Variants in NECAB1 observed in about 807,000 individuals in gnomAD.
NECAB1 encodes N-terminal EF-hand calcium binding protein 1.
In NECAB1, 29 loss-of-function variants were observed where a neutral mutation model predicts 57.5. That is an observed-to-expected ratio of 0.50 (90% CI 0.38 to 0.69). NECAB1 has a LOEUF of 0.69. Among genes scored for constraint, NECAB1 ranks in the 30% least tolerant of loss-of-function variants. The probability of loss-of-function intolerance (pLI) is 0.00; values close to 1 mark genes in which losing one functional copy is unlikely to be tolerated. For synonymous variants in NECAB1, 142 were observed against 147.7 expected, an observed-to-expected ratio of 0.96 and a Z score of 0.28; for missense variants, 372 against 413.8, an observed-to-expected ratio of 0.90 and a Z score of 0.88.
intron 3 of NECAB1, among the ~76,000 whole-genome samples, chr8:90,857,896 A>G (rs1812822526): frequency 6.6e-6 from 1 of 152,188 alleles, no homozygotes; most frequent in African/African-American, 2.4e-5. Context: ...ATATAGGTTT[A>G]TGAAAATATT....
chr8:90,906,861 T>C (rs1809663175), intron 5 of NECAB1, among the ~76,000 whole-genome samples: 1 of 64,528 alleles, frequency 1.5e-5, no homozygotes, highest in African/African-American at 1.6e-4. Context: ...ACCTTTTCCT[T>C]ACATATGATA....
chr8:90,860,197 G>A (rs1166675339), intron 3 of NECAB1, among the ~76,000 whole-genome samples: 4 of 151,108 alleles, frequency 2.6e-5, no homozygotes, highest in Non-Finnish European at 5.9e-5. Flanking sequence ...TCTCAGGAGG[G>A]TCATGGCCCT....
chr8:90,931,906 A>T (rs941212141), intron 8 of NECAB1, among the ~76,000 whole-genome samples: 60 of 151,534 alleles, frequency 4.0e-4, no homozygotes, highest in African/African-American at 1.2e-3. Flanking sequence ...TCCATCTCAA[A>T]AAAATAAAAT....
intron 4 of NECAB1, among the ~76,000 whole-genome samples, chr8:90,876,263 T>C (rs1194581122): frequency 6.6e-6 from 1 of 152,076 alleles, no homozygotes; most frequent in Non-Finnish European, 1.5e-5. Flanking sequence ...CACATGTCAC[T>C]GATGATTGAG....
intron 1 of NECAB1, among the ~76,000 whole-genome samples, chr8:90,796,264 G>A (rs1473718580): frequency 6.6e-6 from 1 of 152,088 alleles, no homozygotes; most frequent in Non-Finnish European, 1.5e-5. Context: ...TAATGATTGC[G>A]ACACCTGGGC....
intron 5 of NECAB1, among the ~76,000 whole-genome samples, chr8:90,912,659 C>A (rs1469814313): frequency 6.6e-6 from 1 of 151,472 alleles, no homozygotes; most frequent in Non-Finnish European, 1.5e-5. Flanking sequence ...ATTATTAGGA[C>A]AAGTAAGAGC....
At chr8:90,795,397 A>G (rs1331770321) in intron 1 of NECAB1, among the ~76,000 whole-genome samples, 2 of 152,156 alleles carry the variant, frequency 1.3e-5, no homozygotes, top group African/African-American at 4.8e-5. Flanking sequence ...CTAAAGAGGG[A>G]AAGAGGCTGG....
In NECAB1 at chr8:90,940,805, G is replaced by A. The variant is rs889786085; in HGVS notation, c.767G>A (p.Arg256Gln). 1.6e-5 allele frequency: 25 copies of A among 1,561,606 alleles called. No homozygotes were observed. The highest frequency in any genetic ancestry group is 3.5e-5 in the South Asian group (3 of 84,566). ...TGGCAGCACATCATGCTTGTGCAGC[G>A]GCAGATGTCTGTGATAGAAGAGGAC... ...NTKSHIMLVQ[R>Q]QMSVIEEDLE... The change falls in exon 10 of 13, where the codon CGG becomes CAG. Residue 256 changes from arginine to glutamine, a missense_variant. Coordinates refer to ENST00000417640, the MANE Select transcript of NECAB1 (RefSeq NM_022351.5).
chr8:90,803,215 G>A (rs1273187412), intron 2 of NECAB1, among the ~76,000 whole-genome samples: 3 of 152,134 alleles, frequency 2.0e-5, no homozygotes, highest in African/African-American at 7.2e-5. Flanking sequence ...TACTTTTAAA[G>A]ACAGAAATAA....
At chr8:90,883,393 T>C (rs1808890460) in intron 5 of NECAB1, among the ~76,000 whole-genome samples, 2 of 152,192 alleles carry the variant, frequency 1.3e-5, no homozygotes, top group African/African-American at 4.8e-5. Flanking sequence ...GTCTAGCACA[T>C]GGACCCTTCA....
At chr8:90,906,874 C>CATATATATATATATGTATATATAT (rs1290352726) in intron 5 of NECAB1, among the ~76,000 whole-genome samples, 1 of 42,654 alleles carries the variant, frequency 2.3e-5, no homozygotes, top group African/African-American at 2.1e-4. Context: ...ATATGATATA[C>CATATATATATATATGTATATATAT]ACATATATAT....
At chr8:90,899,948 C>CCTAT in intron 5 of NECAB1, among the ~76,000 whole-genome samples, 1 of 152,202 alleles carries the variant, frequency 6.6e-6, no homozygotes, top group Middle Eastern at 3.4e-3. Context: ...TTCCTTCCTC[C>CCTAT]CTACAGTCTG....
At chr8:90,832,138 T>G (rs1480193892) in intron 3 of NECAB1, among the ~76,000 whole-genome samples, 5 of 152,140 alleles carry the variant, frequency 3.3e-5, no homozygotes, top group African/African-American at 7.2e-5. Flanking sequence ...TGAAACCCAT[T>G]TACTTGCTTT....
intron 5 of NECAB1, among the ~76,000 whole-genome samples, chr8:90,895,411 CA>C (rs1230192432): frequency 6.6e-6 from 1 of 151,964 alleles, no homozygotes; most frequent in Non-Finnish European, 1.5e-5. Flanking sequence ...TTTTGAAAAG[CA>C]AAAAAGAAAC....
chr8:90,940,699 T>G, intron 9 of NECAB1, 87 bp from the exon 10 acceptor site: 2 of 923,288 alleles, frequency 2.2e-6, no homozygotes, highest in Non-Finnish European at 3.4e-6. Flanking sequence ...TCTGTTTTTG[T>G]GAGGAGGAAT....
intron 3 of NECAB1, among the ~76,000 whole-genome samples, chr8:90,857,139 A>G (rs1015838230): frequency 6.6e-6 from 1 of 152,102 alleles, no homozygotes; most frequent in Non-Finnish European, 1.5e-5. Flanking sequence ...TTATTTAAAA[A>G]GGCTTTAGAA....
chr8:90,923,150 G>A (rs999640601), intron 6 of NECAB1, among the ~76,000 whole-genome samples: 3 of 152,092 alleles, frequency 2.0e-5, no homozygotes, highest in Non-Finnish European at 4.4e-5. Flanking sequence ...TGAGGGTGAA[G>A]GTAGGGCTGA....
chr8:90,869,500 A>G (rs1382774514), intron 3 of NECAB1, among the ~76,000 whole-genome samples: 1 of 152,212 alleles, frequency 6.6e-6, no homozygotes, highest in Non-Finnish European at 1.5e-5. Flanking sequence ...AGGCCTTGGG[A>G]GGCCACCCCT....
chr8:90,792,408 G>A (rs545506023), intron 1 of NECAB1, among the ~76,000 whole-genome samples: 58 of 152,324 alleles, frequency 3.8e-4, no homozygotes, highest in African/African-American at 1.3e-3. Context: ...CAGGGAAGCA[G>A]CAGCGATTGA....
Sources: allele counts gnomAD v4.1 joint callset (sites outside exome capture counted in the v4.1 genomes callset), GRCh38; gene constraint gnomAD v4.1.1; transcripts MANE v1.5; gene names NCBI Gene and HGNC (gene_info 2026-07-23, HGNC 2026-07-21).